Variants in TMEM41A observed in about 807,000 individuals in gnomAD.
TMEM41A encodes the protein transmembrane protein 41A.
In TMEM41A, 20 loss-of-function variants were observed where a neutral mutation model predicts 25.7. That is an observed-to-expected ratio of 0.78 (90% confidence interval 0.55 to 1.13). The LOEUF is 1.13. Among genes scored for constraint, TMEM41A ranks in the 50% most tolerant of loss-of-function variants. The pLI is 0.00. For missense variants in TMEM41A, 299 were observed against 314.3 expected, an observed-to-expected ratio of 0.95 and a Z score of 0.37; for synonymous variants, 133 against 139.6, an observed-to-expected ratio of 0.95 and a Z score of 0.33.
rs1245011393 is a variant in TMEM41A at position 185,491,702 on chromosome 3, T to A, written c.630A>T (p.Leu210=). The A allele has an allele frequency of 6.2e-7, 1 of 1,614,190 alleles. No homozygotes were observed. Among genetic ancestry groups the A allele is most frequent in the Non-Finnish European group, 8.5e-7 (1 of 1,180,028 alleles). The part of the protein sequence containing the change: ...CVQTGSILST[L]TSLDALFSWD... ...AGGAGAAAAGAGCATCCAGAGAGGTTAGGGTTGACAGGATGGACCCTGTCT... is the reference window on the plus strand; with the variant it reads ...AGGAGAAAAGAGCATCCAGAGAGGTAAGGGTTGACAGGATGGACCCTGTCT... The change falls in exon 5 of 5, where the codon CTA becomes CTT. Residue 210 remains leucine, a synonymous_variant. Transcript: ENST00000421852.
chr3:185,498,757 C>A, intron 1 of TMEM41A, 86 bp downstream of exon 1: 1 of 995,244 alleles, frequency 1.0e-6, no homozygotes, highest in Non-Finnish European at 1.5e-6. Flanking sequence ...ATACCGGAAC[C>A]CGAATCTCCG....
intron 1 of TMEM41A, 56 bp downstream of exon 1, chr3:185,498,787 C>G (rs968172627): frequency 7.6e-6 from 10 of 1,309,400 alleles, no homozygotes; most frequent in East Asian, 2.6e-5. Context: ...TTCCCAGCCC[C>G]GGTCCTCGGA....
Position 185,498,975 on chromosome 3 carries a change from C to CCTCTCT in TMEM41A, c.-15_-14insAGAGAG. ...AAGCGGGCGCATGTCGGCTCCGCAC[C>CCTCTCT]CCGGCCCGCGGGGCAGCCGAGAAGC... is the stretch of plus-strand genomic sequence containing the variant. On this transcript the variant is annotated 5_prime_UTR_variant, in exon 1 of 5. Transcript: ENST00000421852. The CCTCTCT allele has an allele frequency of 6.3e-7, 1 of 1,589,198 alleles. No homozygotes were observed. The highest frequency in any genetic ancestry group is 1.3e-5 in the African/African-American group (1 of 74,258).
Position 185,495,532 on chromosome 3 carries a change from C to T in TMEM41A, c.274-217G>A. On this transcript the variant is annotated intron_variant, in intron 2 of 4. Coordinates refer to ENST00000421852, the MANE Select transcript of TMEM41A (RefSeq NM_080652.4). ...CATAGCTCACTGCATCCTCGAACTC[C>T]TGGACTCAAGCGATCCTCCTGCCTC... 5.2e-6 allele frequency: 3 copies of T among 573,100 alleles called. No homozygotes were observed. The Admixed American group carries it at 9.0e-5, about 17-fold the overall frequency. The allele number at this position is 573,100 out of a possible 1,614,324, so 35.5% of individuals were successfully genotyped here. A position where few individuals can be genotyped will look rare whatever the true frequency, so the allele number is the denominator to read the frequency against.
intron 3 of TMEM41A, 88 bp downstream of exon 3, chr3:185,495,065 TG>T: frequency 6.7e-7 from 1 of 1,485,634 alleles, no homozygotes; most frequent in Non-Finnish European, 9.2e-7. Context: ...AAGAGTACTG[TG>T]GGAAATCCCT....
chr3:185,498,860 G>A lies in TMEM41A; in HGVS notation c.102C>T (p.Thr34=). ...RLPRGRRLGS[T]EEAGGRSLWF... ...CCACGCACCTGCCTCCAGCCTCCTC[G>A]GTGGAGCCCAGTCTCCGCCCGCGGG... is the stretch of plus-strand genomic sequence containing the variant. Residue 34 remains threonine (T), a synonymous_variant, in exon 1 of 5, where the codon ACC becomes ACT. Transcript: ENST00000421852. The A allele has an allele frequency of 6.2e-7, 1 of 1,602,716 alleles. No individual in the cohort carries two copies. Among genetic ancestry groups the A allele is most frequent in the Non-Finnish European group, 8.5e-7 (1 of 1,175,982 alleles).
Position 185,498,970 on chromosome 3 carries a change from C to A in TMEM41A, c.-9G>T. The A allele has an allele frequency of 6.3e-7, 1 of 1,591,838 alleles. No individual in the cohort carries two copies. Among genetic ancestry groups the A allele is most frequent in the Non-Finnish European group, 8.5e-7 (1 of 1,170,354 alleles). ...CCGAGAAGCGGGCGCATGTCGGCTC[C>A]GCACCCCGGCCCGCGGGGCAGCCGA... On this transcript the variant is annotated 5_prime_UTR_variant, in exon 1 of 5. Coordinates refer to ENST00000421852, the MANE Select transcript of TMEM41A (RefSeq NM_080652.4).
At chr3:185,498,103 A>G (rs1719161566) in intron 1 of TMEM41A, among the ~76,000 whole-genome samples, 1 of 95,444 alleles carries the variant, frequency 1.0e-5, no homozygotes, top group Non-Finnish European at 2.2e-5. Context: ...CGTCCCTACT[A>G]AAAATACAAA....
Position 185,489,617 on chromosome 3 carries a change from T to G in TMEM41A, c.*1920A>C, listed in dbSNP as rs1176519130. On this transcript the variant is annotated 3_prime_UTR_variant, in exon 5 of 5. Transcript: ENST00000421852. ...CACCACACAGAACACTTACATCCATTTATTTGGGAAATTGCTTCACCTGTA... is the reference window on the plus strand; with the variant it reads ...CACCACACAGAACACTTACATCCATGTATTTGGGAAATTGCTTCACCTGTA... The G allele has an allele frequency of 6.6e-6, 1 of 152,184 alleles. No homozygotes were observed. Among genetic ancestry groups the G allele is most frequent in the East Asian group, 1.9e-4 (1 of 5,190 alleles). The allele number at this position is 152,184 out of a possible 1,614,324, so 9.4% of individuals were successfully genotyped here.
At chr3:185,498,799 C>A in intron 1 of TMEM41A, 44 bp downstream of exon 1, 2 of 1,443,700 alleles carry the variant, frequency 1.4e-6, no homozygotes, top group Non-Finnish European at 1.9e-6. Flanking sequence ...GTCCTCGGAC[C>A]CGGCTCCCTT....
Position 185,491,027 on chromosome 3 carries a change from T to C in TMEM41A, c.*510A>G, listed in dbSNP as rs1240679033. 1 of 141,680 alleles carries C rather than the reference T, an allele frequency of 7.1e-6. No individual in the cohort carries two copies. The highest frequency in any genetic ancestry group is 2.7e-5 in the African/African-American group (1 of 37,496). The allele number at this position is 141,680 out of a possible 1,614,324, so 8.8% of individuals were successfully genotyped here. ...TTTTTTTTTTTGTCAAGACAGTGTC[T>C]CACTCTATCACCCAGGCTGGAGTGC... On this transcript the variant is annotated 3_prime_UTR_variant, in exon 5 of 5. Transcript: ENST00000421852.
chr3:185,491,317 G>A lies in TMEM41A; in HGVS notation c.*220C>T. ...GGCCACAAACAGCATTTTCTAGGAGGCATCTGTTGCAGTGTCTGCTACACC... is the reference window on the plus strand; with the variant it reads ...GGCCACAAACAGCATTTTCTAGGAGACATCTGTTGCAGTGTCTGCTACACC... On this transcript the variant is annotated 3_prime_UTR_variant, in exon 5 of 5. Coordinates refer to ENST00000421852, the MANE Select transcript of TMEM41A (RefSeq NM_080652.4). The A allele has an allele frequency of 2.2e-6, 1 of 449,226 alleles. No homozygotes were observed. Among genetic ancestry groups the A allele is most frequent in the Non-Finnish European group, 4.0e-6 (1 of 248,380 alleles). 27.8% of individuals were successfully genotyped at this position (449,226 alleles called of 1,614,324 possible).
In TMEM41A at chr3:185,495,348, C is replaced by T. The variant is rs773963134; in HGVS notation, c.274-33G>A. The T allele has an allele frequency of 1.9e-6, 3 of 1,599,170 alleles. No homozygotes were observed. The African/African-American group carries it at 4.0e-5, about 21-fold the overall frequency. On this transcript the variant is annotated intron_variant, in intron 2 of 4. Transcript: ENST00000421852. ...TAAAACAAACCCTCAGGCATGTGAA[C>T]ATCTGGCAGCTACCAGGCACGTCAT... is the stretch of plus-strand genomic sequence containing the variant.
Position 185,499,018 on chromosome 3 carries a change from C to T in TMEM41A, c.-57G>A, listed in dbSNP as rs1719200125. On this transcript the variant is annotated 5_prime_UTR_variant, in exon 1 of 5. Coordinates refer to ENST00000421852, the MANE Select transcript of TMEM41A (RefSeq NM_080652.4). ...CGAGAAGCTCACTTGCACTCCGGGACGCAGCGGCGGGCGGACTGAGCCCGC... is the reference window on the plus strand; with the variant it reads ...CGAGAAGCTCACTTGCACTCCGGGATGCAGCGGCGGGCGGACTGAGCCCGC... 3.4e-6 allele frequency: 5 copies of T among 1,478,222 alleles called. No individual in the cohort carries two copies. In the South Asian group the frequency reaches 6.1e-5, roughly 18 times the overall value. The allele number at this position is 1,478,222 out of a possible 1,614,324, so 91.6% of individuals were successfully genotyped here.
intron 1 of TMEM41A, among the ~76,000 whole-genome samples, chr3:185,497,689 A>ATCACTGAATCAG (rs1385100487): frequency 6.6e-6 from 1 of 152,158 alleles, no homozygotes; most frequent in Non-Finnish European, 1.5e-5. Flanking sequence ...CAGTCCTTGA[A>ATCACTGAATCAG]TCCATCACTG....
chr3:185,497,049 CTG>C, intron 1 of TMEM41A, 68 bp from the exon 2 acceptor site: 1 of 1,514,302 alleles, frequency 6.6e-7, no homozygotes, highest in South Asian at 1.2e-5. Context: ...AAGTCACTCG[CTG>C]TGTCTTCTTT....
intron 1 of TMEM41A, chr3:185,498,507 G>A (rs987915795): frequency 1.2e-5 from 3 of 258,060 alleles, no homozygotes; most frequent in Non-Finnish European, 2.2e-5. Flanking sequence ...GCCCAGGGCT[G>A]GGACTGGGAA....
At chr3:185,493,541 T>C (rs1368109765) in intron 4 of TMEM41A, 2 of 152,064 alleles carry the variant, frequency 1.3e-5, no homozygotes, top group African/African-American at 4.8e-5. Context: ...TTTGTTTTTG[T>C]TTTTTTGCTT....
At chr3:185,492,106 A>C (rs1409738359) in intron 4 of TMEM41A, among the ~76,000 whole-genome samples, 1 of 152,190 alleles carries the variant, frequency 6.6e-6, no homozygotes, top group African/African-American at 2.4e-5. Flanking sequence ...GTTCGAGATC[A>C]GCCTGGCCAA....
Sources: gnomAD v4.1 joint callset for allele counts (sites outside exome capture counted in the v4.1 genomes callset) on GRCh38, gnomAD v4.1.1 for gene constraint, MANE v1.5 for transcripts, NCBI Gene and HGNC (gene_info 2026-07-23, HGNC 2026-07-21) for gene names.